The following CEP44 variants were observed in gnomAD, a reference collection of about 807,000 sequenced individuals.
CEP44 encodes centrosomal protein of 44 kDa.
Under a neutral mutation model 46.7 loss-of-function variants are expected in CEP44, and 45 were observed. The observed-to-expected ratio is 0.96, with a 90% CI of 0.76 to 1.24. The LOEUF is 1.24. Among genes scored for constraint, CEP44 ranks in the 50% most tolerant of loss-of-function variants. CEP44 has a pLI of 0.00. For synonymous variants in CEP44, 142 were observed against 146.0 expected (o/e 0.97, Z 0.20); for missense variants, 475 against 459.7 (o/e 1.03, Z -0.30).
rs1741960433 is a variant in CEP44 at position 174,318,252 on chromosome 4, A to G, written c.*869A>G. ...CTAATTTTGTATTTTTATTAGAGAC[A>G]GGGTTTCTCCGTGTTGGTCAGGCTG... On this transcript the variant is annotated 3_prime_UTR_variant, in exon 12 of 12. Transcript: ENST00000503780. 3.7e-6 allele frequency: 3 copies of G among 800,522 alleles called. No homozygotes were observed. The African/African-American group carries it at 5.6e-5, about 15-fold the overall frequency. The allele number at this position is 800,522 out of a possible 1,614,324, so 49.6% of individuals were successfully genotyped here.
At position 174,319,202 on chromosome 4, in the gene CEP44, A is replaced by T. The variant is rs1347561865; in HGVS notation, c.*1819A>T. 1 of 974,628 alleles carries T rather than the reference A, an allele frequency of 1.0e-6. No individual in the cohort carries two copies. The highest frequency in any genetic ancestry group is 1.8e-5 in the African/African-American group (1 of 57,036). 60.4% of individuals were successfully genotyped at this position (974,628 alleles called of 1,614,324 possible). A position where few individuals can be genotyped will look rare whatever the true frequency, so the allele number is the denominator to read the frequency against. On this transcript the variant is annotated 3_prime_UTR_variant, in exon 12 of 12. Transcript: ENST00000503780. ...TTTTGAATTTAACAGAGTTTCAGTA[A>T]ATATTTCCAGAATTAATGAAGCATG... is the stretch of plus-strand genomic sequence containing the variant.
rs1008351583 is a variant in CEP44, at chr4:174,310,492, T to G, written c.886-291T>G. Among the ~76,000 whole-genome samples, 1 of 151,968 alleles carries G rather than the reference T, an allele frequency of 6.6e-6. No individual in the cohort carries two copies. The highest frequency in any genetic ancestry group is 1.5e-5 in the Non-Finnish European group (1 of 67,888). ...GAATTTCATAGAATAGTTACCAGAT[T>G]TACCATTGCCTTATCAAATCTGAGA... is the stretch of plus-strand genomic sequence containing the variant. On this transcript the variant is annotated intron_variant, in intron 8 of 11. Transcript: ENST00000503780. This position sits in a 1 kb window ranked among gnomAD's most constrained non-coding sequence, Gnocchi z 4.2.
chr4:174,298,755 T>A (rs1388969451), intron 2 of CEP44, among the ~76,000 whole-genome samples: 1 of 152,086 alleles, frequency 6.6e-6, no homozygotes, highest in African/African-American at 2.4e-5. Flanking sequence ...AGTTGATGTG[T>A]CTTCTCAAAC....
At chr4:174,285,038 T>A (rs1352141001) in intron 1 of CEP44, among the ~76,000 whole-genome samples, 3 of 152,174 alleles carry the variant, frequency 2.0e-5, no homozygotes, top group African/African-American at 7.2e-5. Context: ...GTACACTATT[T>A]TCACAACCTC....
chr4:174,330,616 C>A (rs1731269967), intron 8 of CEP44, among the ~76,000 whole-genome samples: 1 of 152,010 alleles, frequency 6.6e-6, no homozygotes, highest in South Asian at 2.1e-4. Context: ...ACAAAATATT[C>A]TTTCCTAGAA....
At chr4:174,324,533 C>G (rs1024455134), downstream of CEP44, among the ~76,000 whole-genome samples, 2 of 152,182 alleles carry the variant, frequency 1.3e-5, no homozygotes, top group Non-Finnish European at 2.9e-5. Context: ...TTCAGTTGCT[C>G]AGCATCCATA....
At chr4:174,323,707 G>A (rs1233280910), downstream of CEP44, among the ~76,000 whole-genome samples, 1 of 152,118 alleles carries the variant, frequency 6.6e-6, no homozygotes, top group Non-Finnish European at 1.5e-5. Context: ...AAGCTTCATG[G>A]CTTTTCATAG....
At position 174,308,832 on chromosome 4, in the gene CEP44, G is replaced by A. The variant is rs375150474; in HGVS notation, c.651G>A (p.Lys217=). The change falls in exon 7 of 12, where the codon AAG becomes AAA. Residue 217 remains lysine, a synonymous_variant. Coordinates refer to ENST00000503780, the MANE Select transcript of CEP44 (RefSeq NM_001040157.3). ...NATEIKMPEV[K]VPEIKAEQQD... Reference sequence around the variant, plus strand: ...CTGAAATAAAGATGCCTGAAGTAAAGGTTCCTGAAATCAAGGCTGAGCAAC... The same window carrying A: ...CTGAAATAAAGATGCCTGAAGTAAAAGTTCCTGAAATCAAGGCTGAGCAAC... 5 of 1,612,916 alleles carry A rather than the reference G, an allele frequency of 3.1e-6. No individual in the cohort carries two copies. The highest frequency in any genetic ancestry group is 4.2e-6 in the Non-Finnish European group (5 of 1,179,342).
At chr4:174,307,405 C>T (rs188808984) in intron 6 of CEP44, among the ~76,000 whole-genome samples, 2 of 152,226 alleles carry the variant, frequency 1.3e-5, no homozygotes, top group African/African-American at 4.8e-5. Context: ...AACTGGGTAG[C>T]CATATGCAGA....
chr4:174,296,763 ATTTTTTT>A (rs202212472), intron 1 of CEP44, among the ~76,000 whole-genome samples: 8 of 90,420 alleles, frequency 8.8e-5, no homozygotes, highest in Admixed American at 1.4e-4. Flanking sequence ...GTCCTTACTG[ATTTTTTT>A]TTTTTTTTTT....
Position 174,309,838 on chromosome 4 carries a change from T to A in CEP44, c.679-12T>A. On this transcript the variant is annotated splice_polypyrimidine_tract_variant and intron_variant, in intron 7 of 11. Transcript: ENST00000503780. This position sits in a 1 kb window ranked among gnomAD's most constrained non-coding sequence, Gnocchi z 5.3. ...TGTTTAATTTTATTTTTAATCTCTC[T>A]AACCTTTTTAGGATGTAAATGTTAA... 1 of 1,551,454 alleles carries A rather than the reference T, an allele frequency of 6.4e-7. No homozygotes were observed. Among genetic ancestry groups the A allele is most frequent in the Non-Finnish European group, 8.8e-7 (1 of 1,130,192 alleles).
At position 174,319,666 on chromosome 4, in the gene CEP44, G is replaced by A. The variant is rs1742118990; in HGVS notation, c.*2283G>A. 1 of 717,128 alleles carries A rather than the reference G, an allele frequency of 1.4e-6. No individual in the cohort carries two copies. Among genetic ancestry groups the A allele is most frequent in the South Asian group, 6.3e-5 (1 of 15,766 alleles). 44.4% of individuals were successfully genotyped at this position (717,128 alleles called of 1,614,324 possible). A position where few individuals can be genotyped will look rare whatever the true frequency, so the allele number is the denominator to read the frequency against. On this transcript the variant is annotated 3_prime_UTR_variant, in exon 12 of 12. Transcript: ENST00000503780. The stretch of plus-strand genomic sequence containing the variant: ...TAAAATATTTCATATATGTTATCAG[G>A]TGGAAATTTAGAATCCAAATTTTCT...
Position 174,301,195 on chromosome 4 carries a change from A to G in CEP44, c.90-844A>G, listed in dbSNP as rs1237252021. Among the ~76,000 whole-genome samples the G allele has an allele frequency of 6.6e-6, 1 of 152,208 alleles. No individual in the cohort carries two copies. The highest frequency in any genetic ancestry group is 6.5e-5 in the Admixed American group (1 of 15,286). ...ATTTTTTGGAAAACATTTGCTTTAT[A>G]TAAGTACAAAATACTGCAATTGAAC... is the stretch of plus-strand genomic sequence containing the variant. On this transcript the variant is annotated intron_variant, in intron 3 of 11. Transcript: ENST00000503780. The surrounding 1 kb of genome is among the most constrained non-coding windows in gnomAD (Gnocchi z 4.3).
rs1371950930 is a variant in CEP44 at position 174,320,113 on chromosome 4, G to A, written c.*2730G>A. Reference sequence around the variant, plus strand: ...CTATGTTATGCTCTGAATAGGTCTCGGTAAAGATTATATGGAAATACTATA... The same window carrying A: ...CTATGTTATGCTCTGAATAGGTCTCAGTAAAGATTATATGGAAATACTATA... On this transcript the variant is annotated 3_prime_UTR_variant, in exon 12 of 12. Coordinates refer to ENST00000503780, the MANE Select transcript of CEP44 (RefSeq NM_001040157.3). 1.8e-5 allele frequency: 18 copies of A among 984,622 alleles called. No individual in the cohort carries two copies. Among genetic ancestry groups the A allele is most frequent in the Middle Eastern group, 5.2e-4 (1 of 1,936 alleles). The allele number at this position is 984,622 out of a possible 1,614,324, so 61.0% of individuals were successfully genotyped here.
exon 9 of CEP44, chr4:174,332,888 T>C (rs1731383905): frequency 1.3e-5 from 2 of 152,178 alleles, no homozygotes; most frequent in African/African-American, 4.8e-5. Context: ...CTTCCTGGGT[T>C]TGAGGGCTAG....
In CEP44 at chr4:174,288,583, T is replaced by C. The variant is rs1417734959; in HGVS notation, c.-148+4640T>C. ...GCATAATGTCCTTCAGGTTCATCCA[T>C]GTTGTTGCAAATGGCAGGATTTCCT... On this transcript the variant is annotated intron_variant, in intron 1 of 11. Transcript: ENST00000503780. This position sits in a 1 kb window ranked among gnomAD's most constrained non-coding sequence, Gnocchi z 4.6. Among the ~76,000 whole-genome samples the C allele has an allele frequency of 1.3e-5, 2 of 152,198 alleles. No homozygotes were observed. The highest frequency in any genetic ancestry group is 4.8e-5 in the African/African-American group (2 of 41,464).
chr4:174,305,203 C>G (rs1479962625), intron 6 of CEP44, among the ~76,000 whole-genome samples: 2 of 152,168 alleles, frequency 1.3e-5, no homozygotes, highest in African/African-American at 2.4e-5. Flanking sequence ...CCTGTAATCC[C>G]AGCACTTTGG....
chr4:174,321,085 G>A (rs146457508), downstream of CEP44, among the ~76,000 whole-genome samples: 570 of 152,174 alleles, frequency 3.7e-3, no homozygotes, highest in African/African-American at 7.6e-3. Flanking sequence ...AATTGGTTCC[G>A]TCTGGAATCT....
rs551262601 is a variant in CEP44 at position 174,298,386 on chromosome 4, G to A, written c.-51+324G>A. The stretch of plus-strand genomic sequence containing the variant: ...GAGACGGGGTTTCACCGTTTTAGCC[G>A]GGATGGTCTCGATCTCCTGACCTCC... On this transcript the variant is annotated intron_variant, in intron 2 of 11. Transcript: ENST00000503780. 2.4e-4 allele frequency among the ~76,000 whole-genome samples: 37 copies of A among 151,404 alleles called. 1 individual carries two copies. The South Asian group carries it at 4.4e-3, about 18-fold the overall frequency.
Sources: gnomAD v4.1 joint callset for allele counts (sites outside exome capture counted in the v4.1 genomes callset) on GRCh38, gnomAD v4.1.1 for gene constraint, Gnocchi (gnomAD v3.1) non-coding constraint, MANE v1.5 for transcripts, NCBI Gene and HGNC (gene_info 2026-07-23, HGNC 2026-07-21) for gene names.